TP53I3: variants seen among roughly 807,000 people sequenced by gnomAD.
The protein encoded by TP53I3 is quinone oxidoreductase PIG3.
A neutral mutation model predicts 27.7 loss-of-function variants in TP53I3; 32 were observed. The ratio of observed to expected loss-of-function variants is 1.16; its 90% CI spans 0.87 to 1.55. The LOEUF is 1.55. Ranked by LOEUF, TP53I3 falls within the 40% of genes most tolerant of loss-of-function variation. The pLI is 0.00. For missense variants in TP53I3, 372 were observed against 412.3 expected (o/e 0.90, Z 0.85); for synonymous variants, 138 against 167.8 (o/e 0.82, Z 1.37).
At chr2:24,081,973 G>A (rs1558360538) in intron 2 of TP53I3, among the ~76,000 whole-genome samples, 2 of 151,856 alleles carry the variant, frequency 1.3e-5, no homozygotes, top group South Asian at 2.1e-4. Flanking sequence ...GGGATTACAG[G>A]CGTGAGCCAC....
chr2:24,082,052 T>C (rs1314561554), intron 2 of TP53I3, among the ~76,000 whole-genome samples: 1 of 152,152 alleles, frequency 6.6e-6, no homozygotes, highest in African/African-American at 2.4e-5. Flanking sequence ...TGGAGTGCAG[T>C]GGCATGATCA....
At chr2:24,079,780 T>A in intron 3 of TP53I3, 140 bp from the exon 4 acceptor site, 1 of 767,614 alleles carries the variant, frequency 1.3e-6, no homozygotes, top group Non-Finnish European at 2.1e-6. Context: ...CTTGAAGAAC[T>A]GTTGTAAATG....
rs755020931 is a variant in TP53I3, at chr2:24,084,260, G to A, written c.67C>T (p.Pro23Ser). The A allele has an allele frequency of 2.5e-5, 41 of 1,613,796 alleles. No individual in the cohort carries two copies. The highest frequency in any genetic ancestry group is 3.3e-5 in the Non-Finnish European group (39 of 1,179,936). Residue 23 changes from proline to serine, a missense_variant, in exon 1 of 5, where the codon CCG (proline) becomes TCG (serine). Pro to Ser is a moderately conservative substitution (Grantham distance 74). Coordinates refer to ENST00000238721, the MANE Select transcript of TP53I3 (RefSeq NM_004881.5). This position sits in a 1 kb window ranked among gnomAD's most constrained non-coding sequence, Gnocchi z 8.4. ...ENLYVKEVAK[P>S]SPGEGEVLLK... ...AGGACTTCACCCTCCCCCGGGCTCG[G>A]CTTGGCCACCTCCTTCACGTAGAGG... is the stretch of plus-strand genomic sequence containing the variant.
rs1210712402 is a variant in TP53I3, at chr2:24,080,264, A to C, written c.619+555T>G. Among the ~76,000 whole-genome samples the C allele has an allele frequency of 6.6e-6, 1 of 152,030 alleles. No homozygotes were observed. The highest frequency in any genetic ancestry group is 1.9e-4 in the East Asian group (1 of 5,194). On this transcript the variant is annotated intron_variant, in intron 3 of 4. Transcript: ENST00000238721. The surrounding 1 kb of genome is among the most constrained non-coding windows in gnomAD (Gnocchi z 4.7). ...CAGCTACTCAGGAGGCTAAGGCTGGAGAATCACTTGAACCTGGGAGGCGGA... is the reference window on the plus strand; with the variant it reads ...CAGCTACTCAGGAGGCTAAGGCTGGCGAATCACTTGAACCTGGGAGGCGGA...
At position 24,079,344 on chromosome 2, in the gene TP53I3, AC is replaced by A; in HGVS notation, c.816+99del. The A allele has an allele frequency of 2.3e-6, 3 of 1,316,360 alleles. No homozygotes were observed. In the South Asian group the frequency reaches 4.4e-5, roughly 19 times the overall value. The allele number at this position is 1,316,360 out of a possible 1,614,324, so 81.5% of individuals were successfully genotyped here. A position where few individuals can be genotyped will look rare whatever the true frequency, so the allele number is the denominator to read the frequency against. On this transcript the variant is annotated intron_variant, in intron 4 of 4. Coordinates refer to ENST00000238721, the MANE Select transcript of TP53I3 (RefSeq NM_004881.5). The stretch of plus-strand genomic sequence containing the variant: ...GGGGGAGGTTTCTTCATAGAAACTA[AC>A]CTCCGTAATCTAAGGTAGAGCTTCC...
chr2:24,084,234 G>A lies in TP53I3; in HGVS notation c.93C>T (p.Leu31=). 6.2e-7 allele frequency: 1 copy of A among 1,614,004 alleles called. No homozygotes were observed. The highest frequency in any genetic ancestry group is 1.1e-5 in the South Asian group (1 of 91,078). ...AKPSPGEGEV[L]LKVAASALNR... The stretch of plus-strand genomic sequence containing the variant: ...TCAGGGCGCTGGCCGCCACCTTCAG[G>A]AGGACTTCACCCTCCCCCGGGCTCG... Residue 31 remains leucine (L), a synonymous_variant, in exon 1 of 5, where the codon CTC becomes CTT. Transcript: ENST00000238721. The surrounding 1 kb of genome is among the most constrained non-coding windows in gnomAD (Gnocchi z 8.4).
At chr2:24,079,336 A>G (rs1664894815) in intron 4 of TP53I3, 108 bp downstream of exon 4, 2 of 1,254,756 alleles carry the variant, frequency 1.6e-6, no homozygotes, top group Non-Finnish European at 2.2e-6. Context: ...GTTTCTTCAT[A>G]GAAACTAACC....
intron 4 of TP53I3, chr2:24,079,112 C>G: frequency 4.2e-6 from 1 of 237,564 alleles, no homozygotes; most frequent in Non-Finnish European, 8.3e-6. Context: ...AAGAGACTTT[C>G]TAGCACACTG....
At position 24,080,771 on chromosome 2, in the gene TP53I3, T is replaced by C. The variant is rs1176927756; in HGVS notation, c.619+48A>G. 6.2e-7 allele frequency: 1 copy of C among 1,609,828 alleles called. No homozygotes were observed. Among genetic ancestry groups the C allele is most frequent in the Admixed American group, 1.7e-5 (1 of 59,730 alleles). On this transcript the variant is annotated intron_variant, in intron 3 of 4. Transcript: ENST00000238721. This position sits in a 1 kb window ranked among gnomAD's most constrained non-coding sequence, Gnocchi z 4.7. ...AACTTTGAGACTGGTGGGGCTTTTATTTAATCATCTCTTAAATTCCTGCTG... is the reference window on the plus strand; with the variant it reads ...AACTTTGAGACTGGTGGGGCTTTTACTTAATCATCTCTTAAATTCCTGCTG...
Position 24,084,075 on chromosome 2 carries a change from G to T in TP53I3, c.138+114C>A. On this transcript the variant is annotated intron_variant, in intron 1 of 4. Transcript: ENST00000238721. The surrounding 1 kb of genome is among the most constrained non-coding windows in gnomAD (Gnocchi z 8.4). ...AGGTCTGGGAAGCCCCAGCGCAGCT[G>T]CCTGCTGGGTGTGGAGCGGTGCACG... The T allele has an allele frequency of 7.0e-7, 1 of 1,427,290 alleles. No individual in the cohort carries two copies. The highest frequency in any genetic ancestry group is 9.2e-7 in the Non-Finnish European group (1 of 1,086,728). The allele number at this position is 1,427,290 out of a possible 1,614,324, so 88.4% of individuals were successfully genotyped here. A position where few individuals can be genotyped will look rare whatever the true frequency, so the allele number is the denominator to read the frequency against.
At position 24,077,986 on chromosome 2, in the gene TP53I3, T is replaced by C. The variant is rs1367447250; in HGVS notation, c.817-225A>G. Among the ~76,000 whole-genome samples the C allele has an allele frequency of 1.3e-5, 2 of 152,152 alleles. No individual in the cohort carries two copies. The highest frequency in any genetic ancestry group is 2.4e-5 in the African/African-American group (1 of 41,428). On this transcript the variant is annotated intron_variant, in intron 4 of 4. Transcript: ENST00000238721. This position sits in a 1 kb window ranked among gnomAD's most constrained non-coding sequence, Gnocchi z 5.5. ...ATTGTTAATTTTGAGGTGAAAGCATTGGAGAAATTGTAGTTTCAGAAAAGG... is the reference window on the plus strand; with the variant it reads ...ATTGTTAATTTTGAGGTGAAAGCATCGGAGAAATTGTAGTTTCAGAAAAGG...
In TP53I3 at chr2:24,078,620, C is replaced by T. The variant is rs184955582; in HGVS notation, c.816+824G>A. 4.5e-3 allele frequency among the ~76,000 whole-genome samples: 688 copies of T among 152,214 alleles called. 3 individuals are homozygous for T. Among genetic ancestry groups the T allele is most frequent in the Admixed American group, 7.8e-3 (120 of 15,294 alleles). On this transcript the variant is annotated intron_variant, in intron 4 of 4. Coordinates refer to ENST00000238721, the MANE Select transcript of TP53I3 (RefSeq NM_004881.5). ...GTGATCTCTGGCTCCCTTGTACCTC[C>T]AAATGTGTAACTTCTGTTCTGTACC...
rs566279276 is a variant in TP53I3 at position 24,080,287 on chromosome 2, G to A, written c.619+532C>T. Among the ~76,000 whole-genome samples the A allele has an allele frequency of 4.6e-5, 7 of 152,032 alleles. No homozygotes were observed. The highest frequency in any genetic ancestry group is 4.2e-4 in the South Asian group (2 of 4,810). On this transcript the variant is annotated intron_variant, in intron 3 of 4. Transcript: ENST00000238721. This position sits in a 1 kb window ranked among gnomAD's most constrained non-coding sequence, Gnocchi z 4.7. ...GGAGAATCACTTGAACCTGGGAGGC[G>A]GAGGTTGCAGCGAGCCGAGATCAAG...
At position 24,077,478 on chromosome 2, in the gene TP53I3, G is replaced by T; in HGVS notation, c.*101C>A. 7.3e-7 allele frequency: 1 copy of T among 1,365,570 alleles called. No homozygotes were observed. The highest frequency in any genetic ancestry group is 9.8e-7 in the Non-Finnish European group (1 of 1,020,538). The allele number at this position is 1,365,570 out of a possible 1,614,324, so 84.6% of individuals were successfully genotyped here. ...CCTCATATCAGCTTTAAACGGCTCT[G>T]GAGGAAGCACCGGGTTTCTTGGCCT... is the stretch of plus-strand genomic sequence containing the variant. On this transcript the variant is annotated 3_prime_UTR_variant, in exon 5 of 5. Coordinates refer to ENST00000238721, the MANE Select transcript of TP53I3 (RefSeq NM_004881.5). The surrounding 1 kb of genome is among the most constrained non-coding windows in gnomAD (Gnocchi z 5.5).
intron 4 of TP53I3, among the ~76,000 whole-genome samples, chr2:24,078,195 C>T (rs1447925792): frequency 6.6e-6 from 1 of 152,164 alleles, no homozygotes; most frequent in Non-Finnish European, 1.5e-5. Flanking sequence ...CCCCCACCCC[C>T]ATATATCTCC....
At position 24,084,375 on chromosome 2, in the gene TP53I3, G is replaced by A. The variant is rs1023958719; in HGVS notation, c.-49C>T. The A allele has an allele frequency of 1.1e-4, 153 of 1,385,642 alleles. No homozygotes were observed. The highest frequency in any genetic ancestry group is 9.6e-4 in the South Asian group (78 of 81,194). 85.8% of individuals were successfully genotyped at this position (1,385,642 alleles called of 1,614,324 possible). ...GCAGGGCAGGACAGGACAGGGCAGG[G>A]CAGGGCAGGACAGGACAGGGCAGGG... On this transcript the variant is annotated 5_prime_UTR_variant, in exon 1 of 5. Transcript: ENST00000238721. The surrounding 1 kb of genome is among the most constrained non-coding windows in gnomAD (Gnocchi z 8.4).
Position 24,080,631 on chromosome 2 carries a change from A to G in TP53I3, c.619+188T>C, listed in dbSNP as rs1332937763. 1.9e-5 allele frequency: 13 copies of G among 679,610 alleles called. No individual in the cohort carries two copies. Among genetic ancestry groups the G allele is most frequent in the East Asian group, 5.1e-5 (2 of 39,376 alleles). The allele number at this position is 679,610 out of a possible 1,614,324, so 42.1% of individuals were successfully genotyped here. A position where few individuals can be genotyped will look rare whatever the true frequency, so the allele number is the denominator to read the frequency against. On this transcript the variant is annotated intron_variant, in intron 3 of 4. Transcript: ENST00000238721. This position sits in a 1 kb window ranked among gnomAD's most constrained non-coding sequence, Gnocchi z 4.7. ...TCTTGCAAGAATGCACATGGAAACC[A>G]TCTTAGATTTAAATATGACTGCCTG...
At chr2:24,081,950 C>A (rs139957161) in intron 2 of TP53I3, among the ~76,000 whole-genome samples, 1 of 151,844 alleles carries the variant, frequency 6.6e-6, no homozygotes, top group African/African-American at 2.4e-5. Flanking sequence ...CCACCTCAGC[C>A]GCCCAAAGTG....
In TP53I3 at chr2:24,084,041, C is replaced by T. The variant is rs995917683; in HGVS notation, c.138+148G>A. ...TGTTTTGCATGAACAAAGAGGGCGC[C>T]CTGGGTTTAGGTCTGGGAAGCCCCA... is the stretch of plus-strand genomic sequence containing the variant. On this transcript the variant is annotated intron_variant, in intron 1 of 4. Coordinates refer to ENST00000238721, the MANE Select transcript of TP53I3 (RefSeq NM_004881.5). The surrounding 1 kb of genome is among the most constrained non-coding windows in gnomAD (Gnocchi z 8.4). 5.9e-5 allele frequency: 76 copies of T among 1,291,744 alleles called. No homozygotes were observed. In the Admixed American group the frequency reaches 6.9e-4, roughly 12 times the overall value. 80.0% of individuals were successfully genotyped at this position (1,291,744 alleles called of 1,614,324 possible). A position where few individuals can be genotyped will look rare whatever the true frequency, so the allele number is the denominator to read the frequency against.
Sources: gnomAD v4.1 joint callset for allele counts (sites outside exome capture counted in the v4.1 genomes callset) on GRCh38, gnomAD v4.1.1 for gene constraint, Gnocchi (gnomAD v3.1) non-coding constraint, MANE v1.5 for transcripts, NCBI Gene and HGNC (gene_info 2026-07-23, HGNC 2026-07-21) for gene names.